The following RASEF variants were observed in gnomAD, a reference collection of about 807,000 sequenced individuals.
RASEF encodes the protein ras and EF-hand domain-containing protein.
In RASEF, 68 loss-of-function variants were observed where a neutral mutation model predicts 90.1. The observed-to-expected ratio is 0.75, with a 90% CI of 0.62 to 0.92. The LOEUF is 0.92. Ranked by LOEUF, RASEF falls within the 40% of genes least tolerant of loss-of-function variation. RASEF has a pLI of 0.00. For missense variants in RASEF, 949 were observed against 937.2 expected, an observed-to-expected ratio of 1.01 and a Z score of -0.16; for synonymous variants, 331 against 345.2, an observed-to-expected ratio of 0.96 and a Z score of 0.46.
At chr9:82,991,572 G>A (rs539393824) in intron 15 of RASEF, among the ~76,000 whole-genome samples, 29 of 152,228 alleles carry the variant, frequency 1.9e-4, no homozygotes, top group South Asian at 8.3e-4. Flanking sequence ...AGGAAATGGG[G>A]AAAAATGCCA....
rs1354247656 is a variant in RASEF at position 83,001,099 on chromosome 9, A to C, written c.1234T>G (p.Cys412Gly). ...SSRSSYVDED[C>G]DSLALCDPLQ... ...GGATCACAGAGGGCCAGGGAGTCAC[A>C]GTCCTCATCCACATAGGAAGAGCGG... Residue 412 changes from cysteine (C) to glycine (G), a missense_variant, in exon 10 of 17, where the codon TGT becomes GGT. Cys to Gly is a radical substitution (Grantham distance 159). This residue lies in a region of RASEF where 656 missense variants were observed against 592.2 expected (regional missense o/e 1.11). Transcript: ENST00000376447. 3.7e-6 allele frequency: 6 copies of C among 1,613,996 alleles called. No individual in the cohort carries two copies. The Admixed American group carries it at 1.0e-4, about 27-fold the overall frequency.
At chr9:83,147,620 C>T in the RASEF span, among the ~76,000 whole-genome samples, 2 of 152,092 alleles carry the variant, frequency 1.3e-5, no homozygotes, top group African/African-American at 4.8e-5. Flanking sequence ...ACTCCTAAAG[C>T]CCTGGTAAGC....
the RASEF span, among the ~76,000 whole-genome samples, chr9:83,217,085 C>T: frequency 2.6e-5 from 4 of 152,142 alleles, no homozygotes; most frequent in Admixed American, 2.0e-4. Flanking sequence ...CATTTTGGAA[C>T]TTTAAAGTTT....
the RASEF span, among the ~76,000 whole-genome samples, chr9:83,129,672 G>A: frequency 1.3e-5 from 2 of 152,066 alleles, no homozygotes; most frequent in African/African-American, 4.8e-5. Flanking sequence ...AGAACATAAG[G>A]GATGAGGAAA....
chr9:83,147,044 A>G, the RASEF span, among the ~76,000 whole-genome samples: 8,156 of 137,606 alleles, frequency 0.059, 340 homozygotes, highest in Non-Finnish European at 0.082. Context: ...ATATATGTAT[A>G]TATATATATA....
chr9:83,045,128 G>A (rs569223266), intron 1 of RASEF, among the ~76,000 whole-genome samples: 1 of 152,254 alleles, frequency 6.6e-6, no homozygotes, highest in African/African-American at 2.4e-5. Flanking sequence ...AGAGATATGT[G>A]TGTACATATG....
intron 1 of RASEF, among the ~76,000 whole-genome samples, chr9:83,027,417 C>A (rs1829567933): frequency 6.6e-6 from 1 of 152,142 alleles, no homozygotes; most frequent in African/African-American, 2.4e-5. Flanking sequence ...TCCTGAAGGT[C>A]TAGGGGTCCC....
At chr9:83,099,007 C>A in the RASEF span, among the ~76,000 whole-genome samples, 27 of 152,122 alleles carry the variant, frequency 1.8e-4, no homozygotes, top group Admixed American at 7.9e-4. Flanking sequence ...AGAATAGTGG[C>A]TTATTGTAGA....
chr9:83,196,947 A>G, the RASEF span, among the ~76,000 whole-genome samples: 1 of 152,240 alleles, frequency 6.6e-6, no homozygotes, highest in Admixed American at 6.5e-5. Context: ...CTGCTCCTTT[A>G]ATGACGAACA....
intron 16 of RASEF, 51 bp from the exon 17 acceptor site, chr9:82,982,833 G>GAGAGAGAGA: frequency 2.0e-6 from 2 of 1,012,964 alleles, no homozygotes; most frequent in Non-Finnish European, 3.1e-6. Context: ...GAGAGAGAGA[G>GAGAGAGAGA]GATTACTGAG....
the RASEF span, among the ~76,000 whole-genome samples, chr9:83,210,099 C>T: frequency 3.2e-3 from 486 of 152,208 alleles, 4 homozygotes; most frequent in African/African-American, 0.011. Context: ...GAATTTTCCA[C>T]GAGAAAAAGG....
At chr9:83,144,388 AAAGG>A in the RASEF span, among the ~76,000 whole-genome samples, 27 of 41,188 alleles carry the variant, frequency 6.6e-4, 2 homozygotes, top group South Asian at 4.7e-3. Context: ...AGAAAGAAAG[AAAGG>A]AAAGAAAGAA....
the RASEF span, among the ~76,000 whole-genome samples, chr9:83,206,047 G>A: frequency 1.2e-3 from 186 of 152,222 alleles, 1 homozygote; most frequent in African/African-American, 4.3e-3. Flanking sequence ...CACTAAAAAA[G>A]GCATGTCCCT....
the RASEF span, among the ~76,000 whole-genome samples, chr9:83,192,693 C>T: frequency 6.7e-6 from 1 of 150,354 alleles, no homozygotes. Flanking sequence ...TGCACAGGTA[C>T]CCCTGAACCT....
the RASEF span, among the ~76,000 whole-genome samples, chr9:83,177,567 T>C: frequency 6.6e-6 from 1 of 152,100 alleles, no homozygotes; most frequent in South Asian, 2.1e-4. Flanking sequence ...CTAAAAAGTT[T>C]CTGGTAAGAT....
chr9:83,105,955 C>G, the RASEF span, among the ~76,000 whole-genome samples: 1 of 152,158 alleles, frequency 6.6e-6, no homozygotes, highest in Non-Finnish European at 1.5e-5. Flanking sequence ...AGCCCAAAGT[C>G]ATCTAAACAT....
chr9:82,984,766 T>C (rs1482464387), intron 16 of RASEF, among the ~76,000 whole-genome samples: 2 of 152,182 alleles, frequency 1.3e-5, no homozygotes, highest in Non-Finnish European at 2.9e-5. Context: ...GTAACACAAC[T>C]TCCAAATGCA....
At chr9:83,027,982 A>G (rs1308160537) in intron 1 of RASEF, among the ~76,000 whole-genome samples, 6 of 152,202 alleles carry the variant, frequency 3.9e-5, no homozygotes, top group African/African-American at 1.4e-4. Flanking sequence ...AGTATTTAAC[A>G]AAGGCTGTGA....
chr9:83,025,671 C>T, intron 2 of RASEF, 104 bp downstream of exon 2: 4 of 1,162,626 alleles, frequency 3.4e-6, no homozygotes, highest in East Asian at 2.5e-5. Flanking sequence ...TCAGGAAGTC[C>T]ACCTATATCA....
Sources: allele counts gnomAD v4.1 joint callset (sites outside exome capture counted in the v4.1 genomes callset), GRCh38; gene constraint gnomAD v4.1.1; regional missense constraint gnomAD v4.1.1; transcripts MANE v1.5; gene names NCBI Gene and HGNC (gene_info 2026-07-23, HGNC 2026-07-21).